Variants in MYBPC2 observed in about 807,000 individuals in gnomAD.
MYBPC2 encodes myosin-binding protein C, fast-type.
Under a neutral mutation model 137.0 loss-of-function variants are expected in MYBPC2, and 122 were observed. The ratio of observed to expected loss-of-function variants is 0.89; its 90% CI spans 0.77 to 1.03. The LOEUF (loss-of-function observed/expected upper bound fraction) is 1.03, where lower values mean the gene tolerates loss of function less well. Among genes scored for constraint, MYBPC2 ranks in the 50% least tolerant of loss-of-function variants. MYBPC2 has a pLI of 0.00. For missense variants in MYBPC2, 1,500 were observed against 1,534.4 expected (o/e 0.98, Z 0.37); for synonymous variants, 626 against 612.3 (o/e 1.02, Z -0.33).
chr19:50,459,098 C>G lies in MYBPC2; in HGVS notation c.2596-13C>G. 3 of 1,552,528 alleles carry G rather than the reference C, an allele frequency of 1.9e-6. No homozygotes were observed. Among genetic ancestry groups the G allele is most frequent in the Non-Finnish European group, 2.6e-6 (3 of 1,148,244 alleles). On this transcript the variant is annotated splice_polypyrimidine_tract_variant and intron_variant, in intron 22 of 27. Coordinates refer to ENST00000357701, the MANE Select transcript of MYBPC2 (RefSeq NM_004533.4). ...CCCCGCTGACCCCACCCCGCCCCGC[C>G]CTCTCCCCGCAGGGAAAGCCCCGGC... is the stretch of plus-strand genomic sequence containing the variant.
chr19:50,442,149 C>G, intron 8 of MYBPC2, 32 bp from the exon 9 acceptor site: 1 of 1,566,644 alleles, frequency 6.4e-7, no homozygotes, highest in Non-Finnish European at 8.7e-7. Flanking sequence ...GGACCACACG[C>G]CTCCATCCCC....
Position 50,458,827 on chromosome 19 carries a change from A to G in MYBPC2, c.2506+73A>G, listed in dbSNP as rs1034093804. On this transcript the variant is annotated intron_variant, in intron 21 of 27. Coordinates refer to ENST00000357701, the MANE Select transcript of MYBPC2 (RefSeq NM_004533.4). ...CCCGCCTGCCCTTTCCGTGTCGTCG[A>G]CAGGACCTCCCCAGAGAGCCTTATC... 1.9e-6 allele frequency: 3 copies of G among 1,597,242 alleles called. No homozygotes were observed. In the African/African-American group the frequency reaches 4.0e-5, roughly 21 times the overall value.
Position 50,455,630 on chromosome 19 carries a change from A to T in MYBPC2, c.2324A>T (p.Tyr775Phe). The change falls in exon 20 of 28, where the codon TAC (tyrosine) becomes TTC (phenylalanine). Residue 775 changes from tyrosine to phenylalanine, a missense_variant. Physicochemically the swap from Tyr to Phe is conservative, Grantham distance 22. Coordinates refer to ENST00000357701, the MANE Select transcript of MYBPC2 (RefSeq NM_004533.4). ...AGGIDGYLVE[Y>F]CLEGSEEWVP... ...GGCATCGATGGGTACCTGGTGGAGTACTGCCTGGAAGGCTGTGAGTGACCC... is the reference window on the plus strand; with the variant it reads ...GGCATCGATGGGTACCTGGTGGAGTTCTGCCTGGAAGGCTGTGAGTGACCC... The T allele has an allele frequency of 6.2e-7, 1 of 1,613,904 alleles. No homozygotes were observed.
chr19:50,464,284 T>C, intron 26 of MYBPC2, 62 bp from the exon 27 acceptor site: 2 of 1,468,524 alleles, frequency 1.4e-6, no homozygotes, highest in South Asian at 2.7e-5. Flanking sequence ...CTGAGCCCCA[T>C]TTTGTCATCA....
intron 11 of MYBPC2, among the ~76,000 whole-genome samples, 167 bp from the exon 12 acceptor site, chr19:50,445,713 A>T (rs1318954630): frequency 6.6e-6 from 1 of 151,274 alleles, no homozygotes; most frequent in East Asian, 1.9e-4. Context: ...CCTTCACCTG[A>T]CCTGTGACCC....
intron 7 of MYBPC2, among the ~76,000 whole-genome samples, chr19:50,439,105 C>T (rs1359893698): frequency 6.7e-6 from 1 of 150,148 alleles, no homozygotes; most frequent in African/African-American, 2.5e-5. Context: ...CACCTGTCTT[C>T]CCCCAACCCA....
rs375253741 is a variant in MYBPC2 at position 50,440,494 on chromosome 19, T to C, written c.573-386T>C. Among the ~76,000 whole-genome samples, 27 of 151,490 alleles carry C rather than the reference T, an allele frequency of 1.8e-4. 1 individual carries two copies. In the South Asian group the frequency reaches 5.6e-3, roughly 32 times the overall value. ...GCCTGTCCAACATGGCAAAACCCTG[T>C]TTCTACTAAAATACAAAAATTAGCC... On this transcript the variant is annotated intron_variant, in intron 7 of 27. Transcript: ENST00000357701.
In MYBPC2 at chr19:50,464,270, C is replaced by T. The variant is rs763585726; in HGVS notation, c.3229-76C>T. 1.1e-4 allele frequency: 157 copies of T among 1,383,774 alleles called. No homozygotes were observed. In the Middle Eastern group the frequency reaches 2.2e-3, roughly 19 times the overall value. The allele number at this position is 1,383,774 out of a possible 1,614,324, so 85.7% of individuals were successfully genotyped here. On this transcript the variant is annotated intron_variant, in intron 26 of 27. Coordinates refer to ENST00000357701, the MANE Select transcript of MYBPC2 (RefSeq NM_004533.4). The stretch of plus-strand genomic sequence containing the variant: ...TGGCAGAGCCTAGAACCCAGATCGG[C>T]TTCCTGAGCCCCATTTTGTCATCAT...
chr19:50,452,446 GTCTATCTA>G (rs796076911), intron 16 of MYBPC2, among the ~76,000 whole-genome samples: 3 of 124,484 alleles, frequency 2.4e-5, no homozygotes. Context: ...CTATCTATCT[GTCTATCTA>G]TCTATGTATC....
chr19:50,455,460 AC>A, intron 19 of MYBPC2, 49 bp from the exon 20 acceptor site: 1 of 1,586,468 alleles, frequency 6.3e-7, no homozygotes, highest in Non-Finnish European at 8.6e-7. Flanking sequence ...CTTCCTGCTG[AC>A]CCCTGACCCC....
chr19:50,451,077 A>T (rs2039852617), intron 14 of MYBPC2, 142 bp downstream of exon 14: 1 of 1,014,304 alleles, frequency 9.9e-7, no homozygotes, highest in Non-Finnish European at 1.5e-6. Flanking sequence ...TCATGGCTGG[A>T]GTCAGAAGAT....
At chr19:50,455,340 C>A in intron 19 of MYBPC2, 44 bp downstream of exon 19, 1 of 1,589,638 alleles carries the variant, frequency 6.3e-7, no homozygotes, top group South Asian at 1.1e-5. Flanking sequence ...AATGATGGAT[C>A]ACTCTGATCC....
chr19:50,455,537 T>C lies in MYBPC2; in HGVS notation c.2231T>C (p.Ile744Thr), dbSNP rs139649326. ...CCCACGAGTGAACCCCTGCACCTGA[T>C]AGTGGAGGATGTGACAGACACCACC... is the stretch of plus-strand genomic sequence containing the variant. ...IAPTSEPLHL[I>T]VEDVTDTTTT... The change falls in exon 20 of 28, where the codon ATA becomes ACA. Residue 744 changes from isoleucine to threonine, a missense_variant. By Grantham distance (89) the Ile-to-Thr change is moderately conservative (BLOSUM62 -1). Coordinates refer to ENST00000357701, the MANE Select transcript of MYBPC2 (RefSeq NM_004533.4). 2.6e-3 allele frequency: 4,202 copies of C among 1,613,776 alleles called. 35 individuals are homozygous for C. The highest frequency in any genetic ancestry group is 1.7e-3 in the Non-Finnish European group (2,008 of 1,179,822).
rs540519463 is a variant in MYBPC2 at position 50,457,457 on chromosome 19, G to C, written c.2339-1130G>C. ...CCTTCCCAGACACCCACCTGGCTGC[G>C]CCCTCAGACAGAGCCAAGATCCCTG... On this transcript the variant is annotated intron_variant, in intron 20 of 27. Coordinates refer to ENST00000357701, the MANE Select transcript of MYBPC2 (RefSeq NM_004533.4). 4.7e-4 allele frequency among the ~76,000 whole-genome samples: 72 copies of C among 152,270 alleles called. No individual in the cohort carries two copies. The Middle Eastern group carries it at 0.01, about 22-fold the overall frequency.
chr19:50,434,350 C>G (rs1258230565), intron 1 of MYBPC2, among the ~76,000 whole-genome samples: 1 of 152,166 alleles, frequency 6.6e-6, no homozygotes, highest in African/African-American at 2.4e-5. Flanking sequence ...GAGCGAGACC[C>G]TGCTGGGAAA....
At chr19:50,445,797 A>G (rs780241328) in intron 11 of MYBPC2, 83 bp from the exon 12 acceptor site, 31 of 1,383,250 alleles carry the variant, frequency 2.2e-5, no homozygotes, top group Non-Finnish European at 2.9e-5. Context: ...ATCCCTCTGC[A>G]TGGGCCCCCG....
chr19:50,437,866 T>C (rs1300905454), intron 7 of MYBPC2, 148 bp downstream of exon 7: 1 of 914,694 alleles, frequency 1.1e-6, no homozygotes, highest in African/African-American at 1.7e-5. Context: ...ACCCAGCATC[T>C]AACACACCAA....
chr19:50,449,990 C>A (rs1028451582), intron 13 of MYBPC2, among the ~76,000 whole-genome samples: 4 of 152,110 alleles, frequency 2.6e-5, no homozygotes, highest in Non-Finnish European at 5.9e-5. Flanking sequence ...ACCCCCATCT[C>A]TACAAAAAAT....
chr19:50,436,504 C>G, intron 4 of MYBPC2, 113 bp from the exon 5 acceptor site: 1 of 983,164 alleles, frequency 1.0e-6, no homozygotes, highest in Non-Finnish European at 1.5e-6. Flanking sequence ...CCATTGGCCC[C>G]CCTGTGGGGT....
Sources: gnomAD v4.1 joint callset for allele counts (sites outside exome capture counted in the v4.1 genomes callset) on GRCh38, gnomAD v4.1.1 for gene constraint, MANE v1.5 for transcripts, NCBI Gene and HGNC (gene_info 2026-07-23, HGNC 2026-07-21) for gene names.